DTD1: variants seen among roughly 807,000 people sequenced by gnomAD.
DTD1 encodes the protein D-tyrosyl-tRNA deacylase 1 homolog.
A neutral mutation model predicts 25.6 loss-of-function variants in DTD1; 13 were observed. That is an observed-to-expected ratio of 0.51 (90% confidence interval 0.33 to 0.81). The LOEUF is 0.81. DTD1 is among the 30% of genes least tolerant of loss of function. The pLI is 0.02. For synonymous variants in DTD1, 110 were observed against 103.6 expected, an observed-to-expected ratio of 1.06 and a Z score of -0.37; for missense variants, 193 against 266.4, an observed-to-expected ratio of 0.72 and a Z score of 1.92.
chr20:18,717,202 A>C (rs1228764962), intron 4 of DTD1, among the ~76,000 whole-genome samples: 7 of 152,196 alleles, frequency 4.6e-5, no homozygotes, highest in Admixed American at 1.3e-4. Flanking sequence ...TGCTCACGGG[A>C]GATAATTAGC....
intron 5 of DTD1, among the ~76,000 whole-genome samples, chr20:18,760,825 C>T (rs13036345): frequency 0.45 from 67,671 of 152,038 alleles, 15,509 homozygotes; most frequent in South Asian, 0.55. Flanking sequence ...TGTGCCCTGT[C>T]CCCAGAGGTG....
chr20:18,640,785 C>T (rs558296127), intron 4 of DTD1, among the ~76,000 whole-genome samples: 26 of 152,078 alleles, frequency 1.7e-4, no homozygotes, highest in East Asian at 1.2e-3. Flanking sequence ...CATGCGTCAC[C>T]GTGCCTGACT....
chr20:18,638,372 AAAAC>A (rs759693353), intron 4 of DTD1, among the ~76,000 whole-genome samples: 8 of 152,166 alleles, frequency 5.3e-5, no homozygotes, highest in Non-Finnish European at 1.0e-4. Flanking sequence ...GAAACAAACA[AAAAC>A]AAAAACAAGT....
chr20:18,697,998 A>C (rs1200161034), intron 4 of DTD1, among the ~76,000 whole-genome samples: 1 of 152,182 alleles, frequency 6.6e-6, no homozygotes, highest in African/African-American at 2.4e-5. Context: ...TTAATTTTTC[A>C]CAATTATAAG....
intron 4 of DTD1, among the ~76,000 whole-genome samples, chr20:18,737,012 G>A (rs111865983): frequency 1.2e-4 from 18 of 152,144 alleles, no homozygotes; most frequent in Admixed American, 2.6e-4. Flanking sequence ...TTGCCGTGCC[G>A]GTCCTGTCTG....
chr20:18,595,050 G>A (rs2060604711), intron 2 of DTD1, among the ~76,000 whole-genome samples: 1 of 152,154 alleles, frequency 6.6e-6, no homozygotes, highest in South Asian at 2.1e-4. Flanking sequence ...CAGCTTTCAT[G>A]CTGGTGGTTC....
At chr20:18,601,776 A>G (rs1225935833) in intron 3 of DTD1, among the ~76,000 whole-genome samples, 1 of 152,124 alleles carries the variant, frequency 6.6e-6, no homozygotes, top group African/African-American at 2.4e-5. Context: ...CCATCTGTAC[A>G]TCACCATCAT....
chr20:18,758,881 C>T (rs1453107993), intron 5 of DTD1, among the ~76,000 whole-genome samples: 1 of 151,804 alleles, frequency 6.6e-6, no homozygotes, highest in Non-Finnish European at 1.5e-5. Flanking sequence ...GTTAAAGTCT[C>T]CCATTATTAT....
chr20:18,642,621 G>A (rs1370153901), intron 4 of DTD1, among the ~76,000 whole-genome samples: 1 of 152,078 alleles, frequency 6.6e-6, no homozygotes, highest in Non-Finnish European at 1.5e-5. Flanking sequence ...CAGAAGGATC[G>A]ACTCCCAGGA....
chr20:18,614,548 G>A (rs1293956206), intron 3 of DTD1, among the ~76,000 whole-genome samples: 1 of 152,160 alleles, frequency 6.6e-6, no homozygotes, highest in African/African-American at 2.4e-5. Context: ...GACAGACTTG[G>A]ATGGAGGAGT....
chr20:18,669,807 C>T (rs1003092423), intron 4 of DTD1, among the ~76,000 whole-genome samples: 12 of 152,090 alleles, frequency 7.9e-5, no homozygotes, highest in South Asian at 2.1e-4. Flanking sequence ...TCTTGCATAC[C>T]GTGGCCTGCT....
At chr20:18,713,137 C>T (rs1016990679) in intron 4 of DTD1, among the ~76,000 whole-genome samples, 62 of 152,214 alleles carry the variant, frequency 4.1e-4, no homozygotes, top group African/African-American at 1.4e-3. Context: ...GCTGGCCCTC[C>T]GGGCATCTTT....
At chr20:18,684,405 G>A (rs2061008808) in intron 4 of DTD1, among the ~76,000 whole-genome samples, 1 of 152,028 alleles carries the variant, frequency 6.6e-6, no homozygotes, top group Admixed American at 6.6e-5. Context: ...TCGTGCCTCA[G>A]CCTCTTGAGT....
chr20:18,698,352 T>A lies in DTD1; in HGVS notation c.478-45748T>A, dbSNP rs529051454. The stretch of plus-strand genomic sequence containing the variant: ...CTCTGATTTTGTCAACCCTTTAACA[T>A]CTTCTATTACTTTGAAGCAAATCTC... On this transcript the variant is annotated intron_variant, in intron 4 of 5. Transcript: ENST00000377452. 4.6e-5 allele frequency: 7 copies of A among 152,328 alleles called. No homozygotes were observed. In the South Asian group the frequency reaches 1.4e-3, roughly 32 times the overall value. The allele number at this position is 152,328 out of a possible 1,614,324, so 9.4% of individuals were successfully genotyped here.
chr20:18,700,695 C>T (rs759219894), intron 4 of DTD1, among the ~76,000 whole-genome samples: 1 of 152,044 alleles, frequency 6.6e-6, no homozygotes, highest in Admixed American at 6.6e-5. Flanking sequence ...TTTGACGTGG[C>T]GTCAGTGGCA....
intron 4 of DTD1, among the ~76,000 whole-genome samples, chr20:18,629,296 C>CTTTT (rs35174616): frequency 0.27 from 18,703 of 69,220 alleles, 3,342 homozygotes; most frequent in Non-Finnish European, 0.34. Context: ...TGTGCTCGGC[C>CTTTT]TTTTTTTTTT....
At chr20:18,631,028 A>G (rs1371838341) in intron 4 of DTD1, 1 of 982,894 alleles carries the variant, frequency 1.0e-6, no homozygotes, top group African/African-American at 1.7e-5. Flanking sequence ...AGATACCTCC[A>G]TGTTAGATGA....
At chr20:18,663,099 T>TC (rs534734803) in intron 4 of DTD1, among the ~76,000 whole-genome samples, 13 of 152,262 alleles carry the variant, frequency 8.5e-5, no homozygotes, top group African/African-American at 3.1e-4. Context: ...AGTGTTAACC[T>TC]CTCTATTAAC....
At chr20:18,679,737 A>G (rs138035257) in intron 4 of DTD1, among the ~76,000 whole-genome samples, 2 of 152,348 alleles carry the variant, frequency 1.3e-5, no homozygotes, top group African/African-American at 4.8e-5. Context: ...TTAAAGAGAC[A>G]TGAATTAATA....
Sources: gnomAD v4.1 joint callset for allele counts (sites outside exome capture counted in the v4.1 genomes callset) on GRCh38, gnomAD v4.1.1 for gene constraint, MANE v1.5 for transcripts, NCBI Gene and HGNC (gene_info 2026-07-23, HGNC 2026-07-21) for gene names.